Variants in SRGAP3 observed in about 807,000 individuals in gnomAD.
SRGAP3 encodes SLIT-ROBO Rho GTPase activating protein 3.
In SRGAP3, 39 loss-of-function variants were observed where a neutral mutation model predicts 121.1. The observed-to-expected ratio is 0.32, with a 90% CI of 0.25 to 0.42. The LOEUF is 0.42. Ranked by LOEUF, SRGAP3 falls within the 10% of genes least tolerant of loss-of-function variation. The pLI, the probability that SRGAP3 is intolerant of heterozygous loss-of-function variation, is 1.00. For missense variants in SRGAP3, 1,213 were observed against 1,470.6 expected, an observed-to-expected ratio of 0.82 and a Z score of 2.86; for synonymous variants, 601 against 570.0, an observed-to-expected ratio of 1.05 and a Z score of -0.77.
chr3:9,240,378 G>C (rs1019986583), intron 1 of SRGAP3, among the ~76,000 whole-genome samples: 2 of 152,028 alleles, frequency 1.3e-5, no homozygotes, highest in Non-Finnish European at 2.9e-5. Context: ...CCTTTAAAAA[G>C]TCAACCCCGT....
At chr3:9,338,547 TTCCCTCAGCCAGACCAA>T (rs1171031513) in intron 1 of SRGAP3, among the ~76,000 whole-genome samples, 4 of 152,200 alleles carry the variant, frequency 2.6e-5, no homozygotes. Context: ...TCCTTCCCAT[TTCCCTCAGCCAGACCAA>T]TCCCTTCTCT....
intron 1 of SRGAP3, among the ~76,000 whole-genome samples, chr3:9,170,569 G>A (rs1215936473): frequency 1.3e-5 from 2 of 152,138 alleles, no homozygotes; most frequent in Non-Finnish European, 2.9e-5. Context: ...ATGGGGAGAA[G>A]GTTTTAGCAC....
chr3:9,097,490 G>A (rs978837377), intron 3 of SRGAP3, among the ~76,000 whole-genome samples: 11 of 152,128 alleles, frequency 7.2e-5, no homozygotes, highest in African/African-American at 1.7e-4. Context: ...ATCAGAGTCC[G>A]GCCCCAGCCT....
At chr3:9,278,191 A>T (rs1954617516) in intron 3 of SRGAP3, among the ~76,000 whole-genome samples, 1 of 152,218 alleles carries the variant, frequency 6.6e-6, no homozygotes, top group South Asian at 2.1e-4. Context: ...GGGAAGCAAG[A>T]TCTAAACTTG....
intron 5 of SRGAP3, among the ~76,000 whole-genome samples, chr3:9,063,380 T>C (rs6777328): frequency 0.35 from 53,394 of 151,832 alleles, 9,784 homozygotes; most frequent in South Asian, 0.46. Context: ...CTGACCACCT[T>C]GGCCTCCCAA....
chr3:9,081,919 C>T (rs1414357390), intron 3 of SRGAP3, among the ~76,000 whole-genome samples: 2 of 152,094 alleles, frequency 1.3e-5, no homozygotes, highest in African/African-American at 2.4e-5. Flanking sequence ...TAGGAGGTGA[C>T]GTCTTTGGGA....
chr3:9,028,952 G>A (rs997829587), intron 12 of SRGAP3, among the ~76,000 whole-genome samples: 5 of 152,134 alleles, frequency 3.3e-5, no homozygotes, highest in African/African-American at 4.8e-5. Flanking sequence ...GAGCGCCATC[G>A]GCTCTTTCCA....
chr3:9,111,516 G>A (rs1486432354), intron 2 of SRGAP3, among the ~76,000 whole-genome samples: 2 of 152,146 alleles, frequency 1.3e-5, no homozygotes, highest in Non-Finnish European at 2.9e-5. Flanking sequence ...GAGGAAGAGG[G>A]TGAAGAGTGA....
intron 1 of SRGAP3, among the ~76,000 whole-genome samples, chr3:9,151,239 TGAG>T (rs1950197875): frequency 1.3e-5 from 2 of 151,862 alleles, no homozygotes; most frequent in African/African-American, 2.4e-5. Flanking sequence ...AGTCAAGGAC[TGAG>T]GAGAATGGGG....
chr3:9,069,139 C>A (rs1485572106), intron 4 of SRGAP3, among the ~76,000 whole-genome samples: 4 of 152,164 alleles, frequency 2.6e-5, no homozygotes, highest in African/African-American at 4.8e-5. Flanking sequence ...GTTTTGCTTT[C>A]CTTGTACCCC....
At chr3:9,324,154 A>T (rs1414348475) in intron 3 of SRGAP3, among the ~76,000 whole-genome samples, 1 of 151,922 alleles carries the variant, frequency 6.6e-6, no homozygotes, top group East Asian at 1.9e-4. Flanking sequence ...GGATTGGCCA[A>T]CACTCAGCTA....
intron 3 of SRGAP3, among the ~76,000 whole-genome samples, chr3:9,323,532 G>C (rs961615870): frequency 1.3e-5 from 2 of 151,686 alleles, no homozygotes; most frequent in Non-Finnish European, 2.9e-5. Flanking sequence ...CGAAGGCCTA[G>C]AGTTTTCTAG....
intron 3 of SRGAP3, among the ~76,000 whole-genome samples, chr3:9,284,060 T>C (rs915181797): frequency 1.3e-5 from 2 of 152,178 alleles, no homozygotes; most frequent in African/African-American, 4.8e-5. Flanking sequence ...CAATGCAGTT[T>C]TCCTTCGAAG....
intron 1 of SRGAP3, chr3:9,216,822 T>G (rs1574886984): frequency 1.3e-5 from 2 of 152,648 alleles, no homozygotes; most frequent in African/African-American, 2.4e-5. Context: ...CAATGGGATA[T>G]TACTCCGCCT....
chr3:9,313,305 A>G (rs1955281168), intron 3 of SRGAP3, among the ~76,000 whole-genome samples: 1 of 152,220 alleles, frequency 6.6e-6, no homozygotes, highest in Admixed American at 6.5e-5. Flanking sequence ...TGAAGTCTTC[A>G]CTTCCAAGTC....
chr3:9,264,378 A>G (rs1410436596), intron 3 of SRGAP3, among the ~76,000 whole-genome samples: 1 of 152,248 alleles, frequency 6.6e-6, no homozygotes. Context: ...CAGGGCAATC[A>G]GGCAAGAGAA....
chr3:9,338,535 T>C (rs1422747724), intron 1 of SRGAP3, among the ~76,000 whole-genome samples: 4 of 152,178 alleles, frequency 2.6e-5, no homozygotes. Context: ...AAACTCTTAC[T>C]CTCCTTCCCA....
intron 4 of SRGAP3, among the ~76,000 whole-genome samples, chr3:9,073,696 C>T (rs942297830): frequency 6.6e-6 from 1 of 152,194 alleles, no homozygotes; most frequent in Non-Finnish European, 1.5e-5. Context: ...TAGACCAGCC[C>T]CTGGCCTTCA....
chr3:9,355,082 T>C (rs9843781), intron 1 of SRGAP3, among the ~76,000 whole-genome samples: 15,841 of 152,214 alleles, frequency 0.1, 911 homozygotes, highest in Admixed American at 0.17. Flanking sequence ...GCCTCGTTCT[T>C]GGCCATGCAT....
Sources: gnomAD v4.1 joint callset for allele counts (sites outside exome capture counted in the v4.1 genomes callset) on GRCh38, gnomAD v4.1.1 for gene constraint, MANE v1.5 for transcripts, NCBI Gene and HGNC (gene_info 2026-07-23, HGNC 2026-07-21) for gene names.